The following TLK1 variants were observed in gnomAD, a reference collection of about 807,000 sequenced individuals.
TLK1 encodes the protein tousled like kinase 1.
Under a neutral mutation model 105.3 loss-of-function variants are expected in TLK1, and 24 were observed. The observed-to-expected ratio is 0.23, with a 90% CI of 0.17 to 0.32. The LOEUF (loss-of-function observed/expected upper bound fraction) is 0.32. TLK1 is among the 10% of genes least tolerant of loss of function. TLK1 has a pLI of 1.00. For synonymous variants in TLK1, 321 were observed against 310.4 expected (o/e 1.03, Z -0.36); for missense variants, 558 against 910.5 (o/e 0.61, Z 4.98).
chr2:171,215,978 G>A (rs1268808838), intron 1 of TLK1, among the ~76,000 whole-genome samples: 6 of 152,090 alleles, frequency 3.9e-5, no homozygotes, highest in Admixed American at 6.5e-5. Flanking sequence ...TGTGCCAGGC[G>A]TTGTTCTAAG....
Position 171,090,358 on chromosome 2 carries a change from ATT to A in TLK1, c.259-7508_259-7507del, listed in dbSNP as rs1558936306. On this transcript the variant is annotated intron_variant, in intron 2 of 20. Transcript: ENST00000431350. ...ATCAATGACCTTAACTAATTTACTT[ATT>A]AGTTTTAATTATTTTTAGATTCCTT... Among the ~76,000 whole-genome samples the A allele has an allele frequency of 2.0e-3, 308 of 151,768 alleles. 2 individuals carry two copies. Among genetic ancestry groups the A allele is most frequent in the African/African-American group, 7.3e-3 (300 of 41,328 alleles).
At chr2:171,184,178 A>G (rs2105309376) in intron 1 of TLK1, among the ~76,000 whole-genome samples, 2 of 152,336 alleles carry the variant, frequency 1.3e-5, no homozygotes, top group South Asian at 4.1e-4. Context: ...GGCTTCTAGA[A>G]GCTAGAAAAG....
At chr2:171,004,094 C>A (rs1238767771) in intron 18 of TLK1, among the ~76,000 whole-genome samples, 1 of 151,934 alleles carries the variant, frequency 6.6e-6, no homozygotes, top group Non-Finnish European at 1.5e-5. Context: ...AGCTGGGATT[C>A]CAGGCATGGC....
At chr2:171,169,863 G>T (rs1215403049) in intron 1 of TLK1, among the ~76,000 whole-genome samples, 4 of 152,160 alleles carry the variant, frequency 2.6e-5, no homozygotes, top group South Asian at 2.1e-4. Flanking sequence ...GCTTTTTATT[G>T]ATTCAATTAA....
chr2:171,001,087 T>C (rs1362258032), intron 18 of TLK1, among the ~76,000 whole-genome samples: 1 of 152,226 alleles, frequency 6.6e-6, no homozygotes, highest in Non-Finnish European at 1.5e-5. Context: ...CAAAGTCATA[T>C]GCAACAACTG....
In TLK1 at chr2:171,081,522, C is replaced by T. The variant is rs549447808; in HGVS notation, c.330+1259G>A. The T allele has an allele frequency of 8.6e-5, 43 of 498,456 alleles. No homozygotes were observed. In the South Asian group the frequency reaches 1.1e-3, roughly 13 times the overall value. The allele number at this position is 498,456 out of a possible 1,614,324, so 30.9% of individuals were successfully genotyped here. A position where few individuals can be genotyped will look rare whatever the true frequency, so the allele number is the denominator to read the frequency against. ...ATAAAGTGAGAACATTCTTGATACA[C>T]TTTTTAAAAAACTTTGACTAGAGCT... On this transcript the variant is annotated intron_variant, in intron 3 of 20. Coordinates refer to ENST00000431350, the MANE Select transcript of TLK1 (RefSeq NM_012290.5).
chr2:171,009,039 T>C (rs996714750), intron 14 of TLK1, among the ~76,000 whole-genome samples: 5 of 152,174 alleles, frequency 3.3e-5, no homozygotes, highest in Non-Finnish European at 5.9e-5. Context: ...ACCCATTAAG[T>C]GCTTAAGGAT....
chr2:170,992,500 A>G lies in TLK1; in HGVS notation c.*1280T>C, dbSNP rs557471910. On this transcript the variant is annotated 3_prime_UTR_variant, in exon 21 of 21. Coordinates refer to ENST00000431350, the MANE Select transcript of TLK1 (RefSeq NM_012290.5). The stretch of plus-strand genomic sequence containing the variant: ...ACATTTTAACAAATCTGTACAAACC[A>G]CAAGAAATTTGCTTATGGGACCATC... 6.5e-6 allele frequency: 1 copy of G among 152,720 alleles called. No individual in the cohort carries two copies. Among genetic ancestry groups the G allele is most frequent in the Non-Finnish European group, 1.5e-5 (1 of 67,978 alleles). 9.5% of individuals were successfully genotyped at this position (152,720 alleles called of 1,614,324 possible). A position where few individuals can be genotyped will look rare whatever the true frequency, so the allele number is the denominator to read the frequency against.
intron 1 of TLK1, among the ~76,000 whole-genome samples, chr2:171,156,377 TAATA>T (rs1393853710): frequency 6.6e-6 from 1 of 152,244 alleles, no homozygotes; most frequent in African/African-American, 2.4e-5. Context: ...CAGTTTAAAT[TAATA>T]AATATATTTG....
At chr2:170,997,860 G>T in intron 18 of TLK1, 37 bp from the exon 19 acceptor site, 1 of 1,275,866 alleles carries the variant, frequency 7.8e-7, no homozygotes, top group South Asian at 1.5e-5. Context: ...GGTTACTACT[G>T]ACAATCTGTA....
chr2:171,002,961 T>C (rs1383535603), intron 18 of TLK1, among the ~76,000 whole-genome samples: 3 of 151,384 alleles, frequency 2.0e-5, no homozygotes, highest in Non-Finnish European at 4.4e-5. Context: ...CAATTAGAGA[T>C]AAAAGGGTAT....
At chr2:171,045,010 G>C (rs948481858) in intron 11 of TLK1, among the ~76,000 whole-genome samples, 14 of 152,014 alleles carry the variant, frequency 9.2e-5, no homozygotes, top group Non-Finnish European at 1.9e-4. Context: ...ACAGAATATA[G>C]AGACTAAAGG....
intron 2 of TLK1, among the ~76,000 whole-genome samples, chr2:171,113,511 G>C (rs1419432382): frequency 6.6e-6 from 1 of 152,108 alleles, no homozygotes; most frequent in Admixed American, 6.6e-5. Flanking sequence ...GATCTCAAGT[G>C]ATCCACCAGC....
upstream of TLK1, among the ~76,000 whole-genome samples, chr2:171,163,649 CCCAA>C (rs1459349493): frequency 6.6e-6 from 1 of 152,142 alleles, no homozygotes; most frequent in Non-Finnish European, 1.5e-5. Context: ...GTAAACAAAG[CCCAA>C]CCAAAAAGGT....
At chr2:171,164,821 G>A (rs148686290), upstream of TLK1, among the ~76,000 whole-genome samples, 174 of 152,000 alleles carry the variant, frequency 1.1e-3, no homozygotes, top group African/African-American at 4.1e-3. Context: ...AAAAATGTCC[G>A]ATAAAAAAAT....
intron 3 of TLK1, among the ~76,000 whole-genome samples, chr2:171,068,885 G>A (rs923044943): frequency 1.3e-5 from 2 of 152,122 alleles, no homozygotes; most frequent in Non-Finnish European, 2.9e-5. Flanking sequence ...TTAGAAAAAT[G>A]AGAATCTTAA....
chr2:171,045,735 G>A (rs1231306180), intron 11 of TLK1: 1 of 153,254 alleles, frequency 6.5e-6, no homozygotes, highest in Non-Finnish European at 1.4e-5. Context: ...AGAAAATCCA[G>A]AAAACAAAGA....
At chr2:171,093,222 A>G (rs1260922960) in intron 2 of TLK1, among the ~76,000 whole-genome samples, 1 of 152,226 alleles carries the variant, frequency 6.6e-6, no homozygotes, top group Non-Finnish European at 1.5e-5. Context: ...TATGCCACAC[A>G]GTCCTTTGTC....
chr2:171,045,917 A>G, intron 11 of TLK1: 1 of 355,384 alleles, frequency 2.8e-6, no homozygotes, highest in East Asian at 4.3e-5. Flanking sequence ...ACTGATTCAG[A>G]CACAGAAGGG....
Sources: gnomAD v4.1 joint callset for allele counts (sites outside exome capture counted in the v4.1 genomes callset) on GRCh38, gnomAD v4.1.1 for gene constraint, MANE v1.5 for transcripts, NCBI Gene and HGNC (gene_info 2026-07-23, HGNC 2026-07-21) for gene names.